ZFP14: variants seen among roughly 807,000 people sequenced by gnomAD.
The protein encoded by ZFP14 is ZFP14 zinc finger protein.
In ZFP14, 22 loss-of-function variants were observed where a neutral mutation model predicts 54.5. That is an observed-to-expected ratio of 0.40 (90% CI 0.29 to 0.58). The LOEUF (loss-of-function observed/expected upper bound fraction) is 0.58. Among genes scored for constraint, ZFP14 ranks in the 20% least tolerant of loss-of-function variants. ZFP14 has a pLI of 0.39. For synonymous variants in ZFP14, 159 were observed against 204.0 expected (o/e 0.78, Z 1.88); for missense variants, 470 against 637.8 (o/e 0.74, Z 2.83).
At chr19:36,374,705 T>C (rs1184051222) in intron 1 of ZFP14, among the ~76,000 whole-genome samples, 1 of 151,740 alleles carries the variant, frequency 6.6e-6, no homozygotes, top group Non-Finnish European at 1.5e-5. Context: ...AAAAAGAAAA[T>C]ACCAGCATGT....
chr19:36,363,233 G>A (rs1360499329), intron 2 of ZFP14, among the ~76,000 whole-genome samples: 1 of 123,292 alleles, frequency 8.1e-6, no homozygotes, highest in Non-Finnish European at 1.6e-5. Context: ...TCGCTCTGTC[G>A]CCCAGGCTGG....
chr19:36,376,415 G>A (rs1332277201), intron 1 of ZFP14, among the ~76,000 whole-genome samples: 1 of 152,048 alleles, frequency 6.6e-6, no homozygotes, highest in African/African-American at 2.4e-5. Flanking sequence ...GCATGGTGAT[G>A]CATGCCTGTA....
Position 36,351,181 on chromosome 19 carries a change from G to A in ZFP14, c.235+9254C>T, listed in dbSNP as rs1349632320. Among the ~76,000 whole-genome samples, 3 of 143,646 alleles carry A rather than the reference G, an allele frequency of 2.1e-5. 1 individual carries two copies. Among genetic ancestry groups the A allele is most frequent in the Non-Finnish European group, 4.6e-5 (3 of 64,582 alleles). 94.2% of individuals were successfully genotyped at this position (143,646 alleles called of 152,430 possible). A position where few individuals can be genotyped will look rare whatever the true frequency, so the allele number is the denominator to read the frequency against. On this transcript the variant is annotated intron_variant, in intron 4 of 4. Coordinates refer to ENST00000270001, the MANE Select transcript of ZFP14 (RefSeq NM_020917.3). ...TACAATAAGAAATTAATGCCCTGTG[G>A]GGATTAAAATGTGGAATTAAGATAC...
intron 4 of ZFP14, among the ~76,000 whole-genome samples, chr19:36,349,193 T>C (rs2031471030): frequency 8.2e-6 from 1 of 121,310 alleles, no homozygotes; most frequent in Non-Finnish European, 1.6e-5. Context: ...ATTATGCCAT[T>C]GCATTCCAGC....
chr19:36,341,207 G>A lies in ZFP14; in HGVS notation c.619C>T (p.Gln207Ter). The change falls in exon 5 of 5, where the codon CAG (glutamine) becomes TAG (stop). Residue 207 changes from glutamine to a stop codon, truncating the protein, a stop_gained. Coordinates refer to ENST00000270001, the MANE Select transcript of ZFP14 (RefSeq NM_020917.3). LOFTEE classifies it high-confidence loss of function. This position sits in a 1 kb window ranked among gnomAD's most constrained non-coding sequence, Gnocchi z 4.2. ...AGATGTGCACGCTGTCTAAAGGCCT[G>A]CCCACATTCCTTACACTTATAAGGT... Reference protein sequence around the residue: ...EKPYKCKECGQAFRQRAHLIR... With the variant: ...EKPYKCKECG 1 of 1,613,718 alleles carries A rather than the reference G, an allele frequency of 6.2e-7. No homozygotes were observed. Among genetic ancestry groups the A allele is most frequent in the Non-Finnish European group, 8.5e-7 (1 of 1,179,904 alleles).
intron 2 of ZFP14, among the ~76,000 whole-genome samples, chr19:36,366,412 G>A (rs920950255): frequency 1.3e-5 from 2 of 152,080 alleles, no homozygotes; most frequent in African/African-American, 4.8e-5. Context: ...TCCACCTCCC[G>A]AGCTCTAGTC....
chr19:36,343,573 C>T (rs2031360880), intron 4 of ZFP14, among the ~76,000 whole-genome samples: 1 of 152,150 alleles, frequency 6.6e-6, no homozygotes, highest in South Asian at 2.1e-4. Context: ...TTGTCTTACT[C>T]CATTTTCTGT....
At position 36,341,609 on chromosome 19, in the gene ZFP14, G is replaced by C. The variant is rs754116111; in HGVS notation, c.236-19C>G. On this transcript the variant is annotated intron_variant, in intron 4 of 4. Transcript: ENST00000270001. The surrounding 1 kb of genome is among the most constrained non-coding windows in gnomAD (Gnocchi z 4.2). ...TCCAAATCTGAAAGAAAACAAGAAA[G>C]CAAATACATACTGTTTTCCTGTTCC... 3.3e-6 allele frequency: 5 copies of C among 1,533,148 alleles called. No homozygotes were observed. In the African/African-American group the frequency reaches 4.2e-5, roughly 13 times the overall value. The allele number at this position is 1,533,148 out of a possible 1,614,324, so 95.0% of individuals were successfully genotyped here. A position where few individuals can be genotyped will look rare whatever the true frequency, so the allele number is the denominator to read the frequency against.
At chr19:36,358,096 T>TATCTATCTATC (rs1568469949) in intron 4 of ZFP14, among the ~76,000 whole-genome samples, 16 of 103,516 alleles carry the variant, frequency 1.5e-4, no homozygotes, top group African/African-American at 2.4e-4. Flanking sequence ...ATCTATCATC[T>TATCTATCTATC]ATCTATCTAT....
Position 36,340,242 on chromosome 19 carries a change from C to A in ZFP14, c.1584G>T (p.Lys528Asn). The stretch of plus-strand genomic sequence containing the variant: ...TCTTCTATTAAATTCCATTATGAAT[C>A]TTCTGATGCTGAGTAAGGTGTGAAT... ...RQHSHLTQHQ[K>N]IHNGI The change falls in exon 5 of 5, where the codon AAG becomes AAT. Residue 528 changes from lysine to asparagine, a missense_variant. Lys to Asn is a moderately conservative substitution (Grantham distance 94). Transcript: ENST00000270001. This position sits in a 1 kb window ranked among gnomAD's most constrained non-coding sequence, Gnocchi z 5.4. 1.3e-6 allele frequency: 2 copies of A among 1,573,154 alleles called. No individual in the cohort carries two copies. The highest frequency in any genetic ancestry group is 1.4e-5 in the African/African-American group (1 of 73,316).
chr19:36,352,877 C>G (rs1438516126), intron 4 of ZFP14, among the ~76,000 whole-genome samples: 1 of 138,852 alleles, frequency 7.2e-6, no homozygotes, highest in African/African-American at 2.7e-5. Context: ...GGAGGCGGAG[C>G]TTGCAGTGAG....
chr19:36,361,991 A>G, intron 3 of ZFP14, 121 bp downstream of exon 3: 1 of 1,269,156 alleles, frequency 7.9e-7, no homozygotes. Flanking sequence ...GCCTAGTTCC[A>G]ACCTGACAAA....
chr19:36,350,647 C>T lies in ZFP14; in HGVS notation c.236-9057G>A, dbSNP rs548300870. On this transcript the variant is annotated intron_variant, in intron 4 of 4. Coordinates refer to ENST00000270001, the MANE Select transcript of ZFP14 (RefSeq NM_020917.3). ...AAAACAGCTTCCTAAATACTTCAAG[C>T]AGATGACAACACAATATCCACCACA... 5.7e-5 allele frequency among the ~76,000 whole-genome samples: 8 copies of T among 141,094 alleles called. 2 individuals carry two copies. The Admixed American group carries it at 5.9e-4, about 10-fold the overall frequency. 92.6% of individuals were successfully genotyped at this position (141,094 alleles called of 152,430 possible). A position where few individuals can be genotyped will look rare whatever the true frequency, so the allele number is the denominator to read the frequency against.
chr19:36,337,457 A>G lies in ZFP14; in HGVS notation c.*2767T>C, dbSNP rs1316409446. 1.3e-5 allele frequency: 2 copies of G among 152,020 alleles called. No homozygotes were observed. The highest frequency in any genetic ancestry group is 1.3e-4 in the Admixed American group (2 of 15,256). The allele number at this position is 152,020 out of a possible 1,614,324, so 9.4% of individuals were successfully genotyped here. ...AATAATGCAAATTGAAAAATACAGT[A>G]TAACAACTATTTACATAGTATTTAC... On this transcript the variant is annotated 3_prime_UTR_variant, in exon 5 of 5. Transcript: ENST00000270001.
chr19:36,373,928 A>G (rs57578649), intron 1 of ZFP14, among the ~76,000 whole-genome samples: 2 of 147,600 alleles, frequency 1.4e-5, no homozygotes, highest in East Asian at 2.0e-4. Flanking sequence ...AAAAAAAAAG[A>G]AAAAAATGAA....
chr19:36,376,284 G>C (rs1368956553), intron 1 of ZFP14, among the ~76,000 whole-genome samples: 3 of 151,830 alleles, frequency 2.0e-5, no homozygotes, highest in Non-Finnish European at 4.4e-5. Flanking sequence ...ATTCTACTCA[G>C]GCCTGTAATC....
At chr19:36,342,097 C>T (rs958543504) in intron 4 of ZFP14, among the ~76,000 whole-genome samples, 1 of 151,664 alleles carries the variant, frequency 6.6e-6, no homozygotes, top group African/African-American at 2.4e-5. Flanking sequence ...CCTCGTGATC[C>T]ACCCACCTCG....
intron 4 of ZFP14, among the ~76,000 whole-genome samples, chr19:36,350,076 G>A (rs1214304415): frequency 7.2e-6 from 1 of 138,474 alleles, no homozygotes; most frequent in African/African-American, 2.7e-5. Context: ...AGCTGAGATT[G>A]TGCCACTGCA....
rs146339950 is a variant in ZFP14, at chr19:36,375,072, A to C, written c.-80+4091T>G. Among the ~76,000 whole-genome samples, 160 of 152,280 alleles carry C rather than the reference A, an allele frequency of 1.1e-3. 1 individual carries two copies. The highest frequency in any genetic ancestry group is 3.8e-3 in the African/African-American group (156 of 41,570). On this transcript the variant is annotated intron_variant, in intron 1 of 4. Coordinates refer to ENST00000270001, the MANE Select transcript of ZFP14 (RefSeq NM_020917.3). ...TCTGACTGATGTCTTCTAAGCACTGAAGGCAGCCCCATGCTGCTTCCTTTC... is the reference window on the plus strand; with the variant it reads ...TCTGACTGATGTCTTCTAAGCACTGCAGGCAGCCCCATGCTGCTTCCTTTC...
Sources: gnomAD v4.1 joint callset for allele counts (sites outside exome capture counted in the v4.1 genomes callset) on GRCh38, gnomAD v4.1.1 for gene constraint, Gnocchi (gnomAD v3.1) non-coding constraint, MANE v1.5 for transcripts, NCBI Gene and HGNC (gene_info 2026-07-23, HGNC 2026-07-21) for gene names.